Variants in CTNNA3 observed in about 807,000 individuals in gnomAD.
The protein encoded by CTNNA3 is catenin alpha 3.
A neutral mutation model predicts 95.7 loss-of-function variants in CTNNA3; 76 were observed. That is an observed-to-expected ratio of 0.79 (90% CI 0.66 to 0.96). The LOEUF is 0.96. Among genes scored for constraint, CTNNA3 ranks in the 40% least tolerant of loss-of-function variants. The pLI, the probability that CTNNA3 is intolerant of heterozygous loss-of-function variation, is 0.00. For missense variants in CTNNA3, 1,191 were observed against 1,089.8 expected (o/e 1.09, Z -1.31); for synonymous variants, 431 against 374.4 (o/e 1.15, Z -1.74).
At chr10:66,449,301 G>C (rs1564975184) in intron 11 of CTNNA3, among the ~76,000 whole-genome samples, 1 of 151,974 alleles carries the variant, frequency 6.6e-6, no homozygotes, top group South Asian at 2.1e-4. Context: ...GTGTTTCTTG[G>C]TGCTGACTGG....
chr10:67,353,253 C>T (rs1024967230), intron 5 of CTNNA3, among the ~76,000 whole-genome samples: 1 of 151,858 alleles, frequency 6.6e-6, no homozygotes, highest in Non-Finnish European at 1.5e-5. Flanking sequence ...TGCTAAAATT[C>T]GGGGGCACCA....
intron 5 of CTNNA3, among the ~76,000 whole-genome samples, chr10:67,220,779 C>T (rs567812898): frequency 7.2e-5 from 11 of 152,226 alleles, no homozygotes; most frequent in African/African-American, 2.6e-4. Context: ...AAAAATCTGG[C>T]AAGCCCTACC....
At position 66,965,549 on chromosome 10, in the gene CTNNA3, GA is replaced by G. The variant is rs386371673; in HGVS notation, c.1048-190026del. Among the ~76,000 whole-genome samples the G allele has an allele frequency of 1.8e-3, 215 of 120,226 alleles. 3 individuals carry two copies. Among genetic ancestry groups the G allele is most frequent in the Middle Eastern group, 4.3e-3 (1 of 232 alleles). The allele number at this position is 120,226 out of a possible 152,430, so 78.9% of individuals were successfully genotyped here. A position where few individuals can be genotyped will look rare whatever the true frequency, so the allele number is the denominator to read the frequency against. On this transcript the variant is annotated intron_variant, in intron 7 of 17. Transcript: ENST00000433211. ...ACTCCGTCTCAAAAAAGAAAGAAAA[GA>G]AAAAAAAAAAAGCTGTTTTTTTTTT...
chr10:67,000,270 A>G (rs771413908), intron 7 of CTNNA3, among the ~76,000 whole-genome samples: 1 of 152,172 alleles, frequency 6.6e-6, no homozygotes, highest in Non-Finnish European at 1.5e-5. Flanking sequence ...TAGATTTCTA[A>G]ACTCCTCTTA....
At chr10:66,130,696 G>A (rs541555032) in intron 13 of CTNNA3, among the ~76,000 whole-genome samples, 2 of 150,902 alleles carry the variant, frequency 1.3e-5, no homozygotes, top group Non-Finnish European at 3.0e-5. Context: ...TACAAAAAAC[G>A]AGCCAAAAAA....
chr10:67,617,901 C>G (rs1392711579), intron 2 of CTNNA3, among the ~76,000 whole-genome samples: 1 of 151,630 alleles, frequency 6.6e-6, no homozygotes, highest in Non-Finnish European at 1.5e-5. Flanking sequence ...GGAAAAATGC[C>G]TGTTTTATAC....
intron 5 of CTNNA3, among the ~76,000 whole-genome samples, chr10:67,278,829 T>C (rs1839286372): frequency 6.6e-6 from 1 of 152,118 alleles, no homozygotes; most frequent in Admixed American, 6.5e-5. Context: ...TCCCTTCTTA[T>C]CCTATAGTCA....
intron 13 of CTNNA3, among the ~76,000 whole-genome samples, chr10:66,105,002 C>T (rs906884648): frequency 1.3e-5 from 2 of 152,336 alleles, no homozygotes; most frequent in Middle Eastern, 3.4e-3. Context: ...GATCTTTAAA[C>T]AGCACTTTCT....
Position 65,980,989 on chromosome 10 carries a change from C to G in CTNNA3, c.2265+7703G>C, listed in dbSNP as rs533605431. ...TTCAACAGGACTCTGGAAGTCCTAG[C>G]CATTGCAATCAGACAAGAGAAAGAA... On this transcript the variant is annotated intron_variant, in intron 16 of 17. Transcript: ENST00000433211. 2.0e-5 allele frequency among the ~76,000 whole-genome samples: 3 copies of G among 152,160 alleles called. No individual in the cohort carries two copies. The South Asian group carries it at 6.2e-4, about 32-fold the overall frequency.
At chr10:66,171,872 AATC>A (rs2131833739) in intron 13 of CTNNA3, among the ~76,000 whole-genome samples, 1 of 152,320 alleles carries the variant, frequency 6.6e-6, no homozygotes, top group South Asian at 2.1e-4. Flanking sequence ...AATTAAAAAA[AATC>A]ATCAATGCTG....
At chr10:66,619,244 A>G (rs1844649949) in intron 10 of CTNNA3, among the ~76,000 whole-genome samples, 1 of 151,486 alleles carries the variant, frequency 6.6e-6, no homozygotes, top group East Asian at 1.9e-4. Context: ...TCATGCTGCT[A>G]TAAAGACACA....
At chr10:67,656,185 A>T (rs1009827153) in intron 1 of CTNNA3, among the ~76,000 whole-genome samples, 1 of 152,150 alleles carries the variant, frequency 6.6e-6, no homozygotes, top group Non-Finnish European at 1.5e-5. Flanking sequence ...TACACCTTCT[A>T]CTCTCTTGGT....
chr10:66,287,712 T>C (rs2091613312), intron 12 of CTNNA3, among the ~76,000 whole-genome samples: 1 of 152,114 alleles, frequency 6.6e-6, no homozygotes, highest in South Asian at 2.1e-4. Flanking sequence ...GAAAAATTTA[T>C]TTTAAACTTG....
At chr10:66,721,845 G>A (rs925329180) in intron 9 of CTNNA3, among the ~76,000 whole-genome samples, 2 of 152,152 alleles carry the variant, frequency 1.3e-5, no homozygotes, top group African/African-American at 2.4e-5. Context: ...GGGCATCACT[G>A]TTAATCCTCA....
At chr10:67,532,771 T>C (rs74142836) in intron 4 of CTNNA3, among the ~76,000 whole-genome samples, 1,813 of 152,314 alleles carry the variant, frequency 0.012, 36 homozygotes, top group African/African-American at 0.042. Context: ...AAGTAATTTA[T>C]GTCATATATC....
chr10:67,078,585 C>A (rs932701387), intron 7 of CTNNA3, among the ~76,000 whole-genome samples: 1 of 151,940 alleles, frequency 6.6e-6, no homozygotes, highest in Non-Finnish European at 1.5e-5. Context: ...GGTGCAATCT[C>A]GGCTCACTGC....
intron 1 of CTNNA3, among the ~76,000 whole-genome samples, chr10:67,664,340 T>C (rs1845475390): frequency 6.6e-6 from 1 of 152,140 alleles, no homozygotes; most frequent in Non-Finnish European, 1.5e-5. Flanking sequence ...AGTTAGTGTG[T>C]GGGTTAAAAG....
At position 66,570,912 on chromosome 10, in the gene CTNNA3, A is replaced by G. The variant is rs150049944; in HGVS notation, c.1375-50139T>C. ...ATTTCCTAAGATGAAAACAGTTTTGAGCAAGGAGCTCTCAAAAAAATGTCC... is the reference window on the plus strand; with the variant it reads ...ATTTCCTAAGATGAAAACAGTTTTGGGCAAGGAGCTCTCAAAAAAATGTCC... On this transcript the variant is annotated intron_variant, in intron 10 of 17. Transcript: ENST00000433211. Among the ~76,000 whole-genome samples the G allele has an allele frequency of 2.6e-4, 40 of 152,284 alleles. No individual in the cohort carries two copies. In the East Asian group the frequency reaches 7.7e-3, roughly 29 times the overall value.
chr10:67,690,307 C>T (rs558437385), intron 1 of CTNNA3, among the ~76,000 whole-genome samples: 58 of 152,188 alleles, frequency 3.8e-4, no homozygotes, highest in African/African-American at 1.3e-3. Flanking sequence ...AAAGGTAGTG[C>T]GGACCCAAAG....
Sources: gnomAD v4.1 joint callset for allele counts (sites outside exome capture counted in the v4.1 genomes callset) on GRCh38, gnomAD v4.1.1 for gene constraint, MANE v1.5 for transcripts, NCBI Gene and HGNC (gene_info 2026-07-23, HGNC 2026-07-21) for gene names.